The following EPM2A variants were observed in gnomAD, a reference collection of about 807,000 sequenced individuals.
EPM2A encodes EPM2A glucan phosphatase, laforin.
A neutral mutation model predicts 26.5 loss-of-function variants in EPM2A; 21 were observed. The ratio of observed to expected loss-of-function variants is 0.79; its 90% CI spans 0.56 to 1.14. The LOEUF is 1.14. EPM2A is among the 50% of genes most tolerant of loss of function. The pLI, the probability that EPM2A is intolerant of heterozygous loss-of-function variation, is 0.00. For missense variants in EPM2A, 458 were observed against 440.8 expected (o/e 1.04, Z -0.35); for synonymous variants, 217 against 177.6 (o/e 1.22, Z -1.76).
chr6:145,716,305 T>C (rs1308529036), intron 1 of EPM2A, among the ~76,000 whole-genome samples: 2 of 152,162 alleles, frequency 1.3e-5, no homozygotes, highest in Non-Finnish European at 2.9e-5. Flanking sequence ...GTGAATTACA[T>C]CTCAGCAAGC....
chr6:145,644,571 G>A (rs1333969038), intron 2 of EPM2A, among the ~76,000 whole-genome samples: 1 of 152,026 alleles, frequency 6.6e-6, no homozygotes, highest in African/African-American at 2.4e-5. Context: ...TGCAGTCAGG[G>A]ATATCAAAAA....
intron 2 of EPM2A, among the ~76,000 whole-genome samples, chr6:145,598,696 G>T (rs568692515): frequency 6.6e-6 from 1 of 152,064 alleles, no homozygotes; most frequent in African/African-American, 2.4e-5. Context: ...CTATGTCCAG[G>T]ATGGTATTGC....
At chr6:145,450,119 C>T (rs113879669) in intron 4 of EPM2A, among the ~76,000 whole-genome samples, 3,728 of 151,828 alleles carry the variant, frequency 0.025, 150 homozygotes, top group African/African-American at 0.085. Flanking sequence ...TTTGGGAGGC[C>T]GAGGTGGGCA....
At chr6:145,556,937 T>C (rs1780735175) in intron 2 of EPM2A, among the ~76,000 whole-genome samples, 1 of 152,052 alleles carries the variant, frequency 6.6e-6, no homozygotes, top group Non-Finnish European at 1.5e-5. Context: ...CACGATCATG[T>C]AAAAAAAGCA....
intron 2 of EPM2A, among the ~76,000 whole-genome samples, chr6:145,533,117 C>T (rs938070144): frequency 3.3e-5 from 5 of 152,084 alleles, no homozygotes; most frequent in African/African-American, 4.8e-5. Context: ...CAAAACAAAA[C>T]ACAACAAAAA....
At chr6:145,478,558 T>A (rs749240953) in intron 4 of EPM2A, among the ~76,000 whole-genome samples, 20 of 151,882 alleles carry the variant, frequency 1.3e-4, no homozygotes, top group Non-Finnish European at 2.7e-4. Context: ...CAAAACAACA[T>A]GGTACTGGCA....
At chr6:145,605,023 CTAATGGAGAGGGGTAATCATTGTT>C (rs1775199483) in intron 2 of EPM2A, among the ~76,000 whole-genome samples, 1 of 152,090 alleles carries the variant, frequency 6.6e-6, no homozygotes, top group Admixed American at 6.6e-5. Context: ...GCCAACATAT[CTAATGGAGAGGGGTAATCATTGTT>C]TAATGGAAAA....
intron 4 of EPM2A, among the ~76,000 whole-genome samples, chr6:145,468,616 T>A (rs1335247460): frequency 2.5e-5 from 3 of 118,690 alleles, no homozygotes; most frequent in Non-Finnish European, 3.5e-5. Context: ...TCTCTCATCA[T>A]ATACAAAAAT....
chr6:145,486,143 T>C (rs1779668145), intron 4 of EPM2A, among the ~76,000 whole-genome samples: 1 of 152,182 alleles, frequency 6.6e-6, no homozygotes, highest in Non-Finnish European at 1.5e-5. Flanking sequence ...CTGCTGCCAA[T>C]ACTTAAGAGT....
chr6:145,568,398 C>A lies in EPM2A; in HGVS notation c.341-65823G>T, dbSNP rs931528671. 5.3e-4 allele frequency among the ~76,000 whole-genome samples: 81 copies of A among 151,588 alleles called. 2 individuals are homozygous for A. Among genetic ancestry groups the A allele is most frequent in the Non-Finnish European group, 1.0e-4 (7 of 67,976 alleles). On this transcript the variant is annotated intron_variant, in intron 2 of 3. Transcript: ENST00000450221. ...GCAGTGGCATGATCTCTGCTCACTG[C>A]AGCCTCTGCCTCCTGGGTTCCAGCG... is the stretch of plus-strand genomic sequence containing the variant.
chr6:145,417,046 C>G (rs1033823382), intron 4 of EPM2A, among the ~76,000 whole-genome samples: 1 of 152,186 alleles, frequency 6.6e-6, no homozygotes, highest in African/African-American at 2.4e-5. Flanking sequence ...CATAGCTAAG[C>G]AGACCCAGCC....
At chr6:145,704,019 A>G (rs1301969039) in intron 1 of EPM2A, among the ~76,000 whole-genome samples, 1 of 152,208 alleles carries the variant, frequency 6.6e-6, no homozygotes, top group Non-Finnish European at 1.5e-5. Flanking sequence ...TAAAGAACCA[A>G]TAGCAAGATT....
intron 2 of EPM2A, chr6:145,682,803 T>C (rs567700376): frequency 6.6e-6 from 1 of 152,316 alleles, no homozygotes; most frequent in Non-Finnish European, 1.5e-5. Context: ...TGATATGATT[T>C]ATCCCAACCA....
At chr6:145,593,041 A>C (rs1441713328) in intron 2 of EPM2A, among the ~76,000 whole-genome samples, 1 of 152,130 alleles carries the variant, frequency 6.6e-6, no homozygotes, top group African/African-American at 2.4e-5. Context: ...AGACCCAACT[A>C]TACACTGTAT....
chr6:145,465,232 G>T (rs1440449991), intron 4 of EPM2A, among the ~76,000 whole-genome samples: 1 of 151,430 alleles, frequency 6.6e-6, no homozygotes, highest in Non-Finnish European at 1.5e-5. Context: ...ATCTTCCATC[G>T]CTGATACCCT....
At position 145,447,143 on chromosome 6, in the gene EPM2A, T is replaced by C. The variant is rs189077422; in HGVS notation, c.555+55379A>G. Among the ~76,000 whole-genome samples, 51 of 152,220 alleles carry C rather than the reference T, an allele frequency of 3.4e-4. 3 individuals carry two copies. In the East Asian group the frequency reaches 7.1e-3, roughly 21 times the overall value. ...GTCCCAAAGCCTAGAAATTGGCTAG[T>C]GTAAAAAAGATACTCAATAAATATT... is the stretch of plus-strand genomic sequence containing the variant. On this transcript the variant is annotated intron_variant, in intron 4 of 4. Transcript: ENST00000638717.
intron 4 of EPM2A, among the ~76,000 whole-genome samples, chr6:145,488,597 T>C (rs1215239663): frequency 6.6e-6 from 1 of 151,946 alleles, no homozygotes; most frequent in Non-Finnish European, 1.5e-5. Context: ...TAGACATTTA[T>C]TTTTAACCCC....
At chr6:145,414,846 G>A (rs1248855014) in intron 4 of EPM2A, among the ~76,000 whole-genome samples, 2 of 152,182 alleles carry the variant, frequency 1.3e-5, no homozygotes, top group Admixed American at 6.5e-5. Flanking sequence ...ACTAGCTGCT[G>A]TCATAGCTCA....
chr6:145,428,674 G>A (rs943203205), intron 4 of EPM2A, among the ~76,000 whole-genome samples: 1 of 152,194 alleles, frequency 6.6e-6, no homozygotes, highest in African/African-American at 2.4e-5. Context: ...TTGAGGAAAA[G>A]TGTTTTACTT....
Sources: allele counts gnomAD v4.1 joint callset (sites outside exome capture counted in the v4.1 genomes callset), GRCh38; gene constraint gnomAD v4.1.1; transcripts MANE v1.5; gene names NCBI Gene and HGNC (gene_info 2026-07-23, HGNC 2026-07-21).